Variants in NRG3 observed in about 807,000 individuals in gnomAD.
NRG3 encodes the protein pro-neuregulin-3, membrane-bound isoform.
A neutral mutation model predicts 66.9 loss-of-function variants in NRG3; 31 were observed. The observed-to-expected ratio is 0.46, with a 90% CI of 0.35 to 0.63. The LOEUF (loss-of-function observed/expected upper bound fraction) is 0.63. NRG3 is among the 20% of genes least tolerant of loss of function. NRG3 has a pLI of 0.00. For synonymous variants in NRG3, 393 were observed against 359.4 expected, an observed-to-expected ratio of 1.09 and a Z score of -1.06; for missense variants, 910 against 878.9, an observed-to-expected ratio of 1.04 and a Z score of -0.45.
At chr10:82,764,083 G>A (rs2059423550) in intron 3 of NRG3, among the ~76,000 whole-genome samples, 2 of 151,952 alleles carry the variant, frequency 1.3e-5, no homozygotes, top group Admixed American at 1.3e-4. Flanking sequence ...CTGTCACCCT[G>A]AAGTACAGTG....
intron 2 of NRG3, among the ~76,000 whole-genome samples, chr10:82,446,635 CG>C (rs2090742699): frequency 6.6e-6 from 1 of 151,988 alleles, no homozygotes; most frequent in Admixed American, 6.6e-5. Context: ...GATCCTGTCA[CG>C]GGGAGGGAGT....
At chr10:82,657,895 A>G (rs2052002703) in intron 2 of NRG3, among the ~76,000 whole-genome samples, 1 of 105,384 alleles carries the variant, frequency 9.5e-6, no homozygotes, top group South Asian at 3.6e-4. Context: ...AGTAGCTTAC[A>G]CATACACAGA....
intron 1 of NRG3, chr10:81,877,905 T>G (rs971552251): frequency 6.5e-7 from 1 of 1,536,048 alleles, no homozygotes; most frequent in East Asian, 2.4e-5. Flanking sequence ...TGAAAATGAG[T>G]CTACCCTGAA....
Position 82,282,151 on chromosome 10 carries a change from C to T in NRG3, c.824-76588C>T, listed in dbSNP as rs549272316. ...GCTTGCCCAGTCTAATGAAACTGAT[C>T]TAGAGGAGGTTGTTCTAGCCATTTT... On this transcript the variant is annotated intron_variant, in intron 1 of 8. Coordinates refer to ENST00000372141, the MANE Select transcript of NRG3 (RefSeq NM_001010848.4). Among the ~76,000 whole-genome samples, 10 of 152,080 alleles carry T rather than the reference C, an allele frequency of 6.6e-5. No homozygotes were observed. In the South Asian group the frequency reaches 1.9e-3, roughly 28 times the overall value.
intron 1 of NRG3, among the ~76,000 whole-genome samples, chr10:82,238,360 A>G (rs747651934): frequency 6.6e-6 from 1 of 152,170 alleles, no homozygotes; most frequent in Non-Finnish European, 1.5e-5. Flanking sequence ...TATATAAAAT[A>G]TTACGTTTTT....
At chr10:82,984,753 T>C (rs1183892222) in intron 8 of NRG3, 3 of 1,551,198 alleles carry the variant, frequency 1.9e-6, no homozygotes, top group Admixed American at 2.0e-5. Flanking sequence ...CACACTTACC[T>C]GCTCAATCCC....
intron 4 of NRG3, among the ~76,000 whole-genome samples, chr10:82,882,934 G>T (rs1591821681): frequency 2.0e-5 from 3 of 152,308 alleles, no homozygotes; most frequent in African/African-American, 7.2e-5. Flanking sequence ...ATACCTCTGT[G>T]TGGGTGATTA....
At chr10:81,967,756 G>A (rs933814455) in intron 1 of NRG3, among the ~76,000 whole-genome samples, 4 of 152,100 alleles carry the variant, frequency 2.6e-5, no homozygotes, top group Admixed American at 2.0e-4. Flanking sequence ...TTTCCATGTT[G>A]TTTAAATGGA....
intron 1 of NRG3, among the ~76,000 whole-genome samples, chr10:81,957,324 A>G (rs369287665): frequency 2.0e-5 from 3 of 152,152 alleles, no homozygotes; most frequent in South Asian, 4.1e-4. Context: ...TCTACCTAAT[A>G]GTGTTATTCC....
rs185036421 is a variant in NRG3, at chr10:82,817,634, A to G, written c.1028-47777A>G. 3.4e-3 allele frequency among the ~76,000 whole-genome samples: 515 copies of G among 152,336 alleles called. 2 individuals carry two copies. The highest frequency in any genetic ancestry group is 7.8e-3 in the African/African-American group (325 of 41,584). On this transcript the variant is annotated intron_variant, in intron 3 of 8. Transcript: ENST00000372141. The stretch of plus-strand genomic sequence containing the variant: ...GAAGGTGTATGCCCCAAAACACCGA[A>G]TAAAGATGGACTAAATGGATGAAAA...
intron 1 of NRG3, among the ~76,000 whole-genome samples, chr10:82,027,679 T>C (rs1490855688): frequency 6.6e-6 from 1 of 152,126 alleles, no homozygotes; most frequent in African/African-American, 2.4e-5. Context: ...GCATCAGGTC[T>C]TGCCATCAGG....
chr10:82,930,835 G>C (rs139358050), intron 4 of NRG3, among the ~76,000 whole-genome samples: 1 of 152,140 alleles, frequency 6.6e-6, no homozygotes, highest in African/African-American at 2.4e-5. Flanking sequence ...TATGGGACTC[G>C]TGGTGGGTGG....
chr10:82,840,397 G>A (rs2062999542), intron 3 of NRG3, among the ~76,000 whole-genome samples: 2 of 149,970 alleles, frequency 1.3e-5, no homozygotes, highest in African/African-American at 2.5e-5. Context: ...ATTATAGCGT[G>A]CATGTTCAAC....
chr10:82,190,943 T>C (rs2074107111), intron 1 of NRG3, among the ~76,000 whole-genome samples: 1 of 152,170 alleles, frequency 6.6e-6, no homozygotes, highest in Non-Finnish European at 1.5e-5. Flanking sequence ...AATATGTCTT[T>C]TCTGTTGTAT....
chr10:82,349,644 G>A (rs1024311488), intron 1 of NRG3, among the ~76,000 whole-genome samples: 2 of 151,898 alleles, frequency 1.3e-5, no homozygotes, highest in South Asian at 2.1e-4. Context: ...CTGGGCAATG[G>A]CGGGCGCCCC....
chr10:82,575,177 A>C (rs932281927), intron 2 of NRG3, among the ~76,000 whole-genome samples: 2 of 151,786 alleles, frequency 1.3e-5, no homozygotes, highest in Non-Finnish European at 2.9e-5. Flanking sequence ...GTACACAAGA[A>C]ATATATACAT....
rs931809421 is a variant in NRG3, at chr10:82,372,436, C to T, written c.953+13568C>T. Among the ~76,000 whole-genome samples, 12 of 152,134 alleles carry T rather than the reference C, an allele frequency of 7.9e-5. No homozygotes were observed. The South Asian group carries it at 1.0e-3, about 13-fold the overall frequency. ...TGAATGGAAAGTATAGAGAAGAGTG[C>T]GATTCTTCAAGCCTAACAAGTATAT... On this transcript the variant is annotated intron_variant, in intron 2 of 8. Transcript: ENST00000372141.
chr10:82,054,341 T>C (rs35306415), intron 1 of NRG3, among the ~76,000 whole-genome samples: 36,587 of 151,888 alleles, frequency 0.24, 4,527 homozygotes, highest in Middle Eastern at 0.33. Context: ...AAGGTGGAAG[T>C]GACAGGATTT....
At chr10:82,334,313 T>G (rs2082282998) in intron 1 of NRG3, among the ~76,000 whole-genome samples, 1 of 152,098 alleles carries the variant, frequency 6.6e-6, no homozygotes, top group South Asian at 2.1e-4. Context: ...ATGGAAGGAG[T>G]ACATGCTGTG....
Sources: allele counts gnomAD v4.1 joint callset (sites outside exome capture counted in the v4.1 genomes callset), GRCh38; gene constraint gnomAD v4.1.1; transcripts MANE v1.5; gene names NCBI Gene and HGNC (gene_info 2026-07-23, HGNC 2026-07-21).